Variants in PKHD1 observed in about 807,000 individuals in gnomAD.
PKHD1 encodes PKHD1 ciliary IPT domain containing fibrocystin/polyductin, also known as fibrocystin.
PKHD1 carries 291 observed loss-of-function variants against 412.0 expected under a neutral mutation model. The ratio of observed to expected loss-of-function variants is 0.71; its 90% CI spans 0.64 to 0.78. The LOEUF is 0.78. PKHD1 is among the 30% of genes least tolerant of loss of function. The probability of loss-of-function intolerance (pLI) is 0.00; values close to 1 mark genes in which losing one functional copy is unlikely to be tolerated. For synonymous variants in PKHD1, 1,777 were observed against 1,821.5 expected, an observed-to-expected ratio of 0.98 and a Z score of 0.62; for missense variants, 4,825 against 4,950.7, an observed-to-expected ratio of 0.97 and a Z score of 0.76.
chr6:51,970,575 T>C lies in PKHD1; in HGVS notation c.5752-10549A>G, dbSNP rs375552127. On this transcript the variant is annotated intron_variant, in intron 35 of 66. Coordinates refer to ENST00000371117, the MANE Select transcript of PKHD1 (RefSeq NM_138694.4). ...CCTAGGTTTTCTTCTAGGACTTTTA[T>C]ACTGTCGGGTGTTACATTTAAGTCT... Among the ~76,000 whole-genome samples the C allele has an allele frequency of 5.9e-5, 9 of 152,250 alleles. No individual in the cohort carries two copies. The South Asian group carries it at 6.2e-4, about 10-fold the overall frequency.
intron 43 of PKHD1, among the ~76,000 whole-genome samples, chr6:51,902,294 G>A (rs1781413723): frequency 6.6e-6 from 1 of 152,100 alleles, no homozygotes; most frequent in Admixed American, 6.5e-5. Flanking sequence ...AAAATTAAAA[G>A]TTTAAAATAA....
At chr6:52,059,433 G>A (rs960350124) in intron 15 of PKHD1, among the ~76,000 whole-genome samples, 1 of 151,504 alleles carries the variant, frequency 6.6e-6, no homozygotes, top group African/African-American at 2.4e-5. Context: ...ATTTTTAATA[G>A]AGACAGGGTT....
intron 11 of PKHD1, among the ~76,000 whole-genome samples, chr6:52,067,724 G>A (rs975037234): frequency 5.9e-5 from 9 of 152,136 alleles, no homozygotes; most frequent in African/African-American, 1.9e-4. Flanking sequence ...AGTGTGGACA[G>A]AAGAAATTGC....
rs748001352 is a variant in PKHD1 at position 51,658,933 on chromosome 6, G to A, written c.11174+19C>T. The A allele has an allele frequency of 9.0e-6, 14 of 1,552,820 alleles. No homozygotes were observed. The highest frequency in any genetic ancestry group is 1.2e-5 in the Non-Finnish European group (14 of 1,124,496). The stretch of plus-strand genomic sequence containing the variant: ...AAAAAATCAGCCCTCATTTGGATGT[G>A]AATATAATTAGTACTTACCCATAGC... On this transcript the variant is annotated intron_variant, in intron 61 of 66. Transcript: ENST00000371117.
chr6:51,920,353 C>T (rs1027062628), intron 37 of PKHD1, among the ~76,000 whole-genome samples: 4 of 152,164 alleles, frequency 2.6e-5, no homozygotes, highest in South Asian at 2.1e-4. Context: ...TGAATTTTGT[C>T]GAAGGCCTTT....
intron 52 of PKHD1, among the ~76,000 whole-genome samples, chr6:51,819,191 G>A (rs912556586): frequency 6.6e-6 from 1 of 152,068 alleles, no homozygotes; most frequent in Non-Finnish European, 1.5e-5. Context: ...AGTGTTACAC[G>A]ATCAAACATG....
intron 29 of PKHD1, among the ~76,000 whole-genome samples, chr6:52,028,978 G>C (rs1802638711): frequency 6.6e-6 from 1 of 152,180 alleles, no homozygotes; most frequent in African/African-American, 2.4e-5. Flanking sequence ...CCACATATTG[G>C]TTGCTTAACC....
intron 55 of PKHD1, among the ~76,000 whole-genome samples, chr6:51,758,842 A>T (rs866546575): frequency 1.3e-5 from 2 of 152,174 alleles, no homozygotes; most frequent in Non-Finnish European, 2.9e-5. Flanking sequence ...CAGAGAATTT[A>T]AAAATGCTTC....
chr6:51,989,996 C>A (rs1796840988), intron 35 of PKHD1, among the ~76,000 whole-genome samples: 1 of 97,538 alleles, frequency 1.0e-5, no homozygotes, highest in Non-Finnish European at 2.2e-5. Context: ...AGAGATACAG[C>A]AATTTCACTA....
chr6:51,769,707 T>C (rs771635990), intron 55 of PKHD1, among the ~76,000 whole-genome samples: 3 of 151,298 alleles, frequency 2.0e-5, no homozygotes, highest in Non-Finnish European at 4.4e-5. Flanking sequence ...CTTCTTTGTT[T>C]AGAAGAATTT....
At chr6:51,745,843 G>T (rs1046672237) in intron 59 of PKHD1, among the ~76,000 whole-genome samples, 1 of 152,142 alleles carries the variant, frequency 6.6e-6, no homozygotes, top group Non-Finnish European at 1.5e-5. Flanking sequence ...AGGAAAATTG[G>T]ATAGTAAATT....
intron 60 of PKHD1, among the ~76,000 whole-genome samples, chr6:51,696,121 A>C (rs2150669431): frequency 6.6e-6 from 1 of 152,320 alleles, no homozygotes; most frequent in African/African-American, 2.4e-5. Flanking sequence ...CATTTAAAAA[A>C]TCTCTAGTTG....
chr6:51,725,870 A>ATAAT (rs1464168561), intron 60 of PKHD1, among the ~76,000 whole-genome samples: 3 of 152,204 alleles, frequency 2.0e-5, no homozygotes, highest in Non-Finnish European at 4.4e-5. Context: ...GAAGGTGAGC[A>ATAAT]TAATTCATTG....
intron 32 of PKHD1, among the ~76,000 whole-genome samples, chr6:52,023,663 C>G (rs1484606609): frequency 6.6e-6 from 1 of 152,026 alleles, no homozygotes; most frequent in African/African-American, 2.4e-5. Context: ...TGCCTTCATA[C>G]CAGGTCTAGG....
intron 60 of PKHD1, among the ~76,000 whole-genome samples, chr6:51,698,761 C>T (rs893544855): frequency 1.1e-4 from 17 of 152,136 alleles, no homozygotes; most frequent in African/African-American, 4.1e-4. Context: ...CTTTCATATG[C>T]TATTATATTA....
At chr6:51,835,590 T>A (rs1769069549) in intron 51 of PKHD1, among the ~76,000 whole-genome samples, 1 of 152,084 alleles carries the variant, frequency 6.6e-6, no homozygotes, top group South Asian at 2.1e-4. Context: ...CAAAGAGAGA[T>A]GAAGGACAAG....
rs192279678 is a variant in PKHD1 at position 51,937,068 on chromosome 6, G to A, written c.5909-2746C>T. Among the ~76,000 whole-genome samples, 6 of 152,224 alleles carry A rather than the reference G, an allele frequency of 3.9e-5. No homozygotes were observed. The East Asian group carries it at 9.6e-4, about 24-fold the overall frequency. On this transcript the variant is annotated intron_variant, in intron 36 of 66. Transcript: ENST00000371117. ...TATTCTCTCTGAAGCCTGCTACCTG[G>A]AGGCTTCATCTGCATAATAAGAACC...
chr6:52,030,487 GA>G (rs1300735975), intron 29 of PKHD1, among the ~76,000 whole-genome samples: 4 of 152,198 alleles, frequency 2.6e-5, no homozygotes, highest in Admixed American at 2.0e-4. Flanking sequence ...TCAGTGTAGT[GA>G]GTTCAAGGGA....
chr6:52,048,353 T>C lies in PKHD1; in HGVS notation c.2407+139A>G, dbSNP rs1459097172. The C allele has an allele frequency of 5.6e-5, 51 of 916,634 alleles. 1 individual carries two copies. The highest frequency in any genetic ancestry group is 6.5e-5 in the Non-Finnish European group (36 of 553,190). 56.8% of individuals were successfully genotyped at this position (916,634 alleles called of 1,614,324 possible). The stretch of plus-strand genomic sequence containing the variant: ...TTCCAAATCTTTCACTTTAAGAATG[T>C]CACTTTCAGACACTGGAAAATAAAT... On this transcript the variant is annotated intron_variant, in intron 23 of 66. Transcript: ENST00000371117.
Sources: gnomAD v4.1 joint callset for allele counts (sites outside exome capture counted in the v4.1 genomes callset) on GRCh38, gnomAD v4.1.1 for gene constraint, MANE v1.5 for transcripts, NCBI Gene and HGNC (gene_info 2026-07-23, HGNC 2026-07-21) for gene names.